Variants in CFAP92 observed in about 807,000 individuals in gnomAD.
The protein encoded by CFAP92 is cilia and flagella associated protein 92 (putative), also known as uncharacterized protein CFAP92.
A neutral mutation model predicts 106.3 loss-of-function variants in CFAP92; 86 were observed. That is an observed-to-expected ratio of 0.81 (90% CI 0.68 to 0.97). CFAP92 has a LOEUF of 0.97. Among genes scored for constraint, CFAP92 ranks in the 50% least tolerant of loss-of-function variants. The pLI, the probability that CFAP92 is intolerant of heterozygous loss-of-function variation, is 0.00. For missense variants in CFAP92, 1,204 were observed against 1,283.8 expected (o/e 0.94, Z 0.95); for synonymous variants, 477 against 506.4 (o/e 0.94, Z 0.78).
intron 1 of CFAP92, chr3:128,993,774 T>C (rs2107828551): frequency 6.1e-6 from 2 of 328,510 alleles, no homozygotes; most frequent in East Asian, 9.1e-5. Context: ...CCTGGCGAGG[T>C]CGGGGAGGGC....
chr3:128,985,593 T>A (rs981051327), intron 4 of CFAP92, among the ~76,000 whole-genome samples: 8 of 152,162 alleles, frequency 5.3e-5, no homozygotes, highest in African/African-American at 1.9e-4. Context: ...TCCTTCCTGA[T>A]ACTCCCACCT....
chr3:128,963,170 T>C (rs1004724202), intron 9 of CFAP92, among the ~76,000 whole-genome samples: 1 of 152,238 alleles, frequency 6.6e-6, no homozygotes, highest in Non-Finnish European at 1.5e-5. Context: ...CTCTCCCTGC[T>C]GATCGTGTCT....
In CFAP92 at chr3:128,915,235, G is replaced by A. The variant is rs1936710577; in HGVS notation, c.3164C>T (p.Pro1055Leu). 6.5e-6 allele frequency: 10 copies of A among 1,536,162 alleles called. No individual in the cohort carries two copies. The highest frequency in any genetic ancestry group is 7.8e-6 in the Non-Finnish European group (9 of 1,146,928). The stretch of plus-strand genomic sequence containing the variant: ...GCTCCACCTGTCTCGATCCAACACA[G>A]GCTCCAGTACATTAGCAAACAGGGA... Reference protein sequence around the residue: ...ENSLFANVLEPVLDRDRWSWD... With the variant: ...ENSLFANVLELVLDRDRWSWD... The change falls in exon 15 of 16, where the codon CCT (proline) becomes CTT (leucine). Residue 1055 changes from proline to leucine, a missense_variant. By Grantham distance (98) the Pro-to-Leu change is moderately conservative. Transcript: ENST00000645291.
chr3:128,960,592 C>G (rs1473263153), intron 9 of CFAP92, among the ~76,000 whole-genome samples: 4 of 152,266 alleles, frequency 2.6e-5, no homozygotes, highest in Non-Finnish European at 5.9e-5. Context: ...GGGAAGGCAG[C>G]CTTCCCTTGG....
chr3:128,964,072 C>T lies in CFAP92; in HGVS notation c.1353+1439G>A, dbSNP rs533027935. 1.5e-4 allele frequency among the ~76,000 whole-genome samples: 23 copies of T among 152,354 alleles called. No individual in the cohort carries two copies. In the East Asian group the frequency reaches 4.4e-3, roughly 29 times the overall value. On this transcript the variant is annotated intron_variant, in intron 9 of 15. Coordinates refer to ENST00000645291, the MANE Select transcript of CFAP92 (RefSeq NM_001394090.1). ...ATAATTCCTCAGTTTAGCCTTCCCA[C>T]CTCTATACAGTCTGATAATAGACCA...
At chr3:128,940,912 G>A (rs140469372) in intron 10 of CFAP92, among the ~76,000 whole-genome samples, 5 of 151,994 alleles carry the variant, frequency 3.3e-5, no homozygotes, top group Admixed American at 2.0e-4. Flanking sequence ...ATTAACATGC[G>A]GAAGTTTAAA....
At chr3:128,991,849 A>G (rs1365295232) in intron 2 of CFAP92, 14 of 987,696 alleles carry the variant, frequency 1.4e-5, no homozygotes, top group Non-Finnish European at 1.6e-5. Context: ...AAGTAAGCAG[A>G]TGAAAACAAA....
At chr3:128,911,333 C>T (rs1007478944) in intron 15 of CFAP92, among the ~76,000 whole-genome samples, 8 of 152,112 alleles carry the variant, frequency 5.3e-5, no homozygotes, top group African/African-American at 1.2e-4. Context: ...GCTGGGATTA[C>T]AGGCATGAGC....
intron 2 of CFAP92, 37 bp from the exon 3 acceptor site, chr3:128,988,955 T>C: frequency 6.5e-7 from 1 of 1,540,428 alleles, no homozygotes; most frequent in African/African-American, 1.4e-5. Context: ...CGTTTTAACC[T>C]CATGTGGAAA....
chr3:128,956,196 TAAAAAAA>T (rs577724635), intron 9 of CFAP92, among the ~76,000 whole-genome samples: 34 of 61,706 alleles, frequency 5.5e-4, no homozygotes, highest in African/African-American at 3.0e-3. Context: ...AAAAAAAAAA[TAAAAAAA>T]AAATAAAAAA....
chr3:128,947,357 A>T (rs759394033), intron 9 of CFAP92, among the ~76,000 whole-genome samples: 1 of 152,270 alleles, frequency 6.6e-6, no homozygotes, highest in Non-Finnish European at 1.5e-5. Flanking sequence ...ATGCAATTCC[A>T]ATCAAAATCC....
chr3:128,976,360 T>C (rs1943159408), intron 6 of CFAP92, among the ~76,000 whole-genome samples: 1 of 152,218 alleles, frequency 6.6e-6, no homozygotes, highest in Non-Finnish European at 1.5e-5. Context: ...ATATATACCA[T>C]GATCATGGAT....
rs778103942 is a variant in CFAP92 at position 128,932,995 on chromosome 3, A to G, written c.2456T>C (p.Ile819Thr). The change falls in exon 12 of 16, where the codon ATC becomes ACC. Residue 819 changes from isoleucine (I) to threonine (T), a missense_variant and splice_region_variant. Coordinates refer to ENST00000645291, the MANE Select transcript of CFAP92 (RefSeq NM_001394090.1). ...RRRVFQALAR[I>T]HDICYNSTTL... ...GGTGCTGTTATAGCAGATGTCGTGG[A>G]TCCTGGAACAAAGAACCACTGCCCC... 2.7e-5 allele frequency: 41 copies of G among 1,536,056 alleles called. No individual in the cohort carries two copies. The highest frequency in any genetic ancestry group is 3.6e-5 in the Non-Finnish European group (41 of 1,146,874).
chr3:128,978,850 C>A (rs1167862728), intron 4 of CFAP92, among the ~76,000 whole-genome samples: 3 of 152,198 alleles, frequency 2.0e-5, no homozygotes, highest in Non-Finnish European at 4.4e-5. Context: ...ACCATAAAAA[C>A]CCTAGAAGAA....
intron 3 of CFAP92, among the ~76,000 whole-genome samples, 186 bp downstream of exon 3, chr3:128,988,542 C>CAA (rs367690550): frequency 7.3e-6 from 1 of 136,388 alleles, no homozygotes; most frequent in Non-Finnish European, 1.6e-5. Context: ...TCTGACTCAA[C>CAA]AAAAAAAAAA....
At chr3:128,943,416 G>A (rs1475995609) in intron 10 of CFAP92, among the ~76,000 whole-genome samples, 1 of 152,134 alleles carries the variant, frequency 6.6e-6, no homozygotes, top group African/African-American at 2.4e-5. Context: ...TATCTCTATG[G>A]ATTTGCCGGT....
the CFAP92 span, among the ~76,000 whole-genome samples, chr3:129,026,505 A>C: frequency 6.6e-6 from 1 of 152,176 alleles, no homozygotes; most frequent in Non-Finnish European, 1.5e-5. Flanking sequence ...CTTCCACAGC[A>C]CATCCATCAT....
At chr3:128,915,310 A>AGGTCCCTATGGACAG (rs1559844815) in intron 14 of CFAP92, 35 bp from the exon 15 acceptor site, 1 of 1,535,900 alleles carries the variant, frequency 6.5e-7, no homozygotes, top group Admixed American at 2.0e-5. Flanking sequence ...AGGAGGAGAA[A>AGGTCCCTATGGACAG]GGTCCCTATG....
chr3:128,945,811 G>T lies in CFAP92; in HGVS notation c.1518C>A (p.Pro506=), dbSNP rs9289336. 154,521 of 1,521,564 alleles carry T rather than the reference G, an allele frequency of 0.1. 9,138 individuals carry two copies. Among genetic ancestry groups the T allele is most frequent in the African/African-American group, 0.24 (17,656 of 72,638 alleles). 94.3% of individuals were successfully genotyped at this position (1,521,564 alleles called of 1,614,324 possible). A position where few individuals can be genotyped will look rare whatever the true frequency, so the allele number is the denominator to read the frequency against. Residue 506 remains proline (P), a synonymous_variant, in exon 10 of 16, where the codon CCC becomes CCA. Transcript: ENST00000645291. ...CCCGGTCGTGAACTTCCACCACCATGGGGGGGCCCTCCAGGTATTCCCTTA... is the reference window on the plus strand; with the variant it reads ...CCCGGTCGTGAACTTCCACCACCATTGGGGGGCCCTCCAGGTATTCCCTTA... ...SDLREYLEGP[P]MVVEVHDRDR...
Sources: allele counts gnomAD v4.1 joint callset (sites outside exome capture counted in the v4.1 genomes callset), GRCh38; gene constraint gnomAD v4.1.1; transcripts MANE v1.5; gene names NCBI Gene and HGNC (gene_info 2026-07-23, HGNC 2026-07-21).